Variants in ZSWIM5 observed in about 807,000 individuals in gnomAD.
ZSWIM5 encodes the protein zinc finger SWIM-type containing 5, also known as zinc finger SWIM domain-containing protein 5.
A neutral mutation model predicts 119.6 loss-of-function variants in ZSWIM5; 55 were observed. The ratio of observed to expected loss-of-function variants is 0.46; its 90% CI spans 0.37 to 0.58. The LOEUF is 0.58. Among genes scored for constraint, ZSWIM5 ranks in the 20% least tolerant of loss-of-function variants. The probability of loss-of-function intolerance (pLI) is 0.00; values close to 1 mark genes in which losing one functional copy is unlikely to be tolerated. For synonymous variants in ZSWIM5, 537 were observed against 606.9 expected (o/e 0.88, Z 1.69); for missense variants, 1,193 against 1,512.8 (o/e 0.79, Z 3.51).
intron 1 of ZSWIM5, among the ~76,000 whole-genome samples, chr1:45,162,949 T>C (rs1645873016): frequency 6.6e-6 from 1 of 152,244 alleles, no homozygotes; most frequent in East Asian, 1.9e-4. Context: ...AACATCCCTG[T>C]CTGACAGCTT....
Position 45,206,416 on chromosome 1 carries a change from A to C in ZSWIM5, c.-66T>G, listed in dbSNP as rs1646192595. On this transcript the variant is annotated 5_prime_UTR_variant, in exon 1 of 14. Coordinates refer to ENST00000359600, the MANE Select transcript of ZSWIM5 (RefSeq NM_020883.2). ...TCGGGCTGCGGCGGAGACCCTGGCC[A>C]CGGCCACGCGCCCCGCGCAAGCGCC... 6 of 1,291,714 alleles carry C rather than the reference A, an allele frequency of 4.6e-6. No homozygotes were observed. The East Asian group carries it at 1.6e-4, about 34-fold the overall frequency. The allele number at this position is 1,291,714 out of a possible 1,614,324, so 80.0% of individuals were successfully genotyped here. A position where few individuals can be genotyped will look rare whatever the true frequency, so the allele number is the denominator to read the frequency against.
chr1:45,155,450 C>A (rs1009110515), intron 1 of ZSWIM5, among the ~76,000 whole-genome samples: 1 of 148,298 alleles, frequency 6.7e-6, no homozygotes, highest in Admixed American at 6.6e-5. Context: ...ACTAGTACAG[C>A]CACTATGAAA....
chr1:45,161,343 A>G (rs1645862847), intron 1 of ZSWIM5, among the ~76,000 whole-genome samples: 1 of 152,120 alleles, frequency 6.6e-6, no homozygotes, highest in Non-Finnish European at 1.5e-5. Context: ...TGTTTTCAAT[A>G]GTGGTTGTAC....
chr1:45,104,217 A>C (rs2149018619), intron 1 of ZSWIM5, among the ~76,000 whole-genome samples: 1 of 152,358 alleles, frequency 6.6e-6, no homozygotes, highest in East Asian at 1.9e-4. Context: ...GCAAAACAGT[A>C]ACCAGAACAA....
intron 2 of ZSWIM5, among the ~76,000 whole-genome samples, chr1:45,069,222 C>A: frequency 6.6e-6 from 1 of 152,058 alleles, no homozygotes; most frequent in African/African-American, 2.4e-5. Flanking sequence ...GTCAGCAGAT[C>A]GAGACCATCC....
At chr1:45,058,114 A>C (rs992700715) in intron 4 of ZSWIM5, among the ~76,000 whole-genome samples, 3 of 152,190 alleles carry the variant, frequency 2.0e-5, no homozygotes, top group African/African-American at 7.2e-5. Context: ...GAGTAGAAAG[A>C]ATATAAAGGT....
chr1:45,114,149 G>A (rs1645533248), intron 1 of ZSWIM5, among the ~76,000 whole-genome samples: 1 of 152,204 alleles, frequency 6.6e-6, no homozygotes, highest in East Asian at 1.9e-4. Flanking sequence ...AGGGGATCAT[G>A]TGATGTCAGC....
rs371662647 is a variant in ZSWIM5 at position 45,019,160 on chromosome 1, C to T, written c.2852G>A (p.Arg951His). 7 of 1,613,700 alleles carry T rather than the reference C, an allele frequency of 4.3e-6. No homozygotes were observed. Among genetic ancestry groups the T allele is most frequent in the African/African-American group, 1.3e-5 (1 of 74,896 alleles). Residue 951 changes from arginine (R) to histidine (H), a missense_variant, in exon 14 of 14, where the codon CGC (arginine) becomes CAC (histidine). Physicochemically the swap from Arg to His is conservative, Grantham distance 29 (BLOSUM62 0). Transcript: ENST00000359600. This position sits in a 1 kb window ranked among gnomAD's most constrained non-coding sequence, Gnocchi z 5.0. ...CATAGCACACTGTAGAGCCAGTGTG[C>T]GAGCACAGCTAGCCAGTTCCTCCCG... The part of the protein sequence containing the change: ...PQREELASCA[R>H]TLALQCAMKD...
At chr1:45,169,138 G>T (rs1570175045) in intron 1 of ZSWIM5, among the ~76,000 whole-genome samples, 1 of 151,458 alleles carries the variant, frequency 6.6e-6, no homozygotes, top group Non-Finnish European at 1.5e-5. Context: ...TCCTTTATAC[G>T]TTCTTTTACA....
intron 1 of ZSWIM5, among the ~76,000 whole-genome samples, chr1:45,102,993 C>T (rs1645448961): frequency 6.6e-6 from 1 of 152,086 alleles, no homozygotes; most frequent in Admixed American, 6.6e-5. Flanking sequence ...TCCCAAGCAG[C>T]TGAGACCACA....
chr1:45,127,826 C>T (rs1389557129), intron 1 of ZSWIM5, among the ~76,000 whole-genome samples: 1 of 152,038 alleles, frequency 6.6e-6, no homozygotes, highest in East Asian at 1.9e-4. Flanking sequence ...TTTCTATATA[C>T]TAGTAATGAA....
rs1206360535 is a variant in ZSWIM5, at chr1:45,087,958, T to C, written c.875A>G (p.His292Arg). Residue 292 changes from histidine (H) to arginine (R), a missense_variant, in exon 2 of 14, where the codon CAC becomes CGC. Coordinates refer to ENST00000359600, the MANE Select transcript of ZSWIM5 (RefSeq NM_020883.2). ...KFIQYLITAH[H>R]TEVLPTAQKL... ...CTGTGCAGTAGGAAGAACTTCAGTG[T>C]GGTGTGCCGTGATTAAATATTGAAT... The C allele has an allele frequency of 1.9e-6, 3 of 1,614,206 alleles. No homozygotes were observed. The highest frequency in any genetic ancestry group is 2.5e-6 in the Non-Finnish European group (3 of 1,180,036).
At chr1:45,136,636 A>G (rs571765954) in intron 1 of ZSWIM5, among the ~76,000 whole-genome samples, 178 of 152,220 alleles carry the variant, frequency 1.2e-3, no homozygotes, top group African/African-American at 3.6e-3. Flanking sequence ...TATATGGAAA[A>G]CTGTAGAAAT....
At chr1:45,040,360 TA>T in intron 7 of ZSWIM5, 31 bp downstream of exon 7, 1 of 1,567,286 alleles carries the variant, frequency 6.4e-7, no homozygotes, top group South Asian at 1.2e-5. Context: ...GCTTTGGGCC[TA>T]AGGGGGTTAG....
intron 5 of ZSWIM5, among the ~76,000 whole-genome samples, chr1:45,044,779 A>G (rs1208092342): frequency 0.55 from 3,294 of 5,972 alleles, 1,321 homozygotes; most frequent in East Asian, 0.82. Context: ...ATATATAAAT[A>G]TATATATATA....
At chr1:45,177,102 G>A (rs1645985618) in intron 1 of ZSWIM5, among the ~76,000 whole-genome samples, 1 of 152,124 alleles carries the variant, frequency 6.6e-6, no homozygotes, top group South Asian at 2.1e-4. Context: ...GGAGGGAAGA[G>A]AAGAGCAGTA....
At chr1:45,158,625 A>T (rs1282907052) in intron 1 of ZSWIM5, among the ~76,000 whole-genome samples, 1 of 152,230 alleles carries the variant, frequency 6.6e-6, no homozygotes, top group Non-Finnish European at 1.5e-5. Flanking sequence ...TAAAATAGAT[A>T]TAATAATTAC....
At chr1:45,044,509 G>A (rs1645036090) in intron 5 of ZSWIM5, among the ~76,000 whole-genome samples, 1 of 149,698 alleles carries the variant, frequency 6.7e-6, no homozygotes, top group Non-Finnish European at 1.5e-5. Flanking sequence ...GGATCATGAG[G>A]TCAGGAGATC....
At chr1:45,146,596 C>T (rs374890732) in intron 1 of ZSWIM5, among the ~76,000 whole-genome samples, 7 of 151,742 alleles carry the variant, frequency 4.6e-5, no homozygotes, top group Admixed American at 2.6e-4. Context: ...TACATTACCA[C>T]GCCTGGCTAA....
Sources: allele counts gnomAD v4.1 joint callset (sites outside exome capture counted in the v4.1 genomes callset), GRCh38; gene constraint gnomAD v4.1.1; non-coding constraint Gnocchi (gnomAD v3.1); transcripts MANE v1.5; gene names NCBI Gene and HGNC (gene_info 2026-07-23, HGNC 2026-07-21).